PAXIP1: variants seen among roughly 807,000 people sequenced by gnomAD.
The protein encoded by PAXIP1 is PAX interacting protein 1, also known as PAX-interacting protein 1.
In PAXIP1, 19 loss-of-function variants were observed where a neutral mutation model predicts 140.6. The ratio of observed to expected loss-of-function variants is 0.14; its 90% confidence interval spans 0.09 to 0.20. PAXIP1 has a LOEUF of 0.20. PAXIP1 is among the 10% of genes least tolerant of loss of function. The pLI is 1.00. For synonymous variants in PAXIP1, 442 were observed against 444.6 expected (o/e 0.99, Z 0.07); for missense variants, 920 against 1,208.6 (o/e 0.76, Z 3.54).
chr7:154,973,806 G>A lies in PAXIP1; in HGVS notation c.1074+1890C>T, dbSNP rs1242832389. Among the ~76,000 whole-genome samples, 2 of 152,202 alleles carry A rather than the reference G, an allele frequency of 1.3e-5. No homozygotes were observed. The highest frequency in any genetic ancestry group is 4.8e-5 in the African/African-American group (2 of 41,440). On this transcript the variant is annotated intron_variant, in intron 6 of 20. Coordinates refer to ENST00000404141, the MANE Select transcript of PAXIP1 (RefSeq NM_007349.4). The surrounding 1 kb of genome is among the most constrained non-coding windows in gnomAD (Gnocchi z 4.0). The stretch of plus-strand genomic sequence containing the variant: ...TCAAGCCTTTCCACTGAAAGTGGAT[G>A]TGGAGAATACTGGATCCGGCTTCAG...
rs1363712931 is a variant in PAXIP1, at chr7:154,983,392, T to C, written c.325-60A>G. 3.6e-5 allele frequency: 28 copies of C among 784,876 alleles called. No individual in the cohort carries two copies. In the East Asian group the frequency reaches 7.5e-4, roughly 21 times the overall value. 48.6% of individuals were successfully genotyped at this position (784,876 alleles called of 1,614,324 possible). A position where few individuals can be genotyped will look rare whatever the true frequency, so the allele number is the denominator to read the frequency against. On this transcript the variant is annotated intron_variant, in intron 4 of 20. Coordinates refer to ENST00000404141, the MANE Select transcript of PAXIP1 (RefSeq NM_007349.4). ...CATTTCAATCTGTGCATGGCTATAT[T>C]TTCACTTTAGTAATATACTGCAACA...
chr7:154,950,338 T>A (rs1356966063), intron 16 of PAXIP1: 1 of 152,106 alleles, frequency 6.6e-6, no homozygotes, highest in African/African-American at 2.4e-5. Flanking sequence ...TCCTAGAAGA[T>A]AACACAGGAG....
At chr7:154,962,494 T>C in intron 9 of PAXIP1, 36 bp from the exon 10 acceptor site, 1 of 1,586,536 alleles carries the variant, frequency 6.3e-7, no homozygotes, top group Non-Finnish European at 8.6e-7. Context: ...GTTGTTTTTG[T>C]TTTTCTGCTG....
At chr7:154,957,852 A>T (rs1294101710) in intron 13 of PAXIP1, among the ~76,000 whole-genome samples, 5 of 151,400 alleles carry the variant, frequency 3.3e-5, no homozygotes, top group East Asian at 1.9e-4. Flanking sequence ...CTGTAGTCCC[A>T]GCTACTCGGG....
At chr7:154,993,237 A>G (rs1810428720) in intron 3 of PAXIP1, among the ~76,000 whole-genome samples, 1 of 152,196 alleles carries the variant, frequency 6.6e-6, no homozygotes, top group Non-Finnish European at 1.5e-5. Context: ...AAGCTCCCTG[A>G]GGGCAGAAAT....
intron 20 of PAXIP1, 93 bp from the exon 21 acceptor site, chr7:154,944,257 AC>A: frequency 1.8e-6 from 2 of 1,111,824 alleles, no homozygotes; most frequent in Non-Finnish European, 2.6e-6. Context: ...TTTCAGAGAC[AC>A]CCTTGAAGGA....
At chr7:154,964,091 AGGAGGATGTTT>A in intron 8 of PAXIP1, 1 of 244,708 alleles carries the variant, frequency 4.1e-6, no homozygotes, top group South Asian at 5.9e-5. Context: ...TCCTGTACAG[AGGAGGATGTTT>A]GGCAGTGTCC....
chr7:154,978,307 A>G (rs1220229409), intron 5 of PAXIP1, among the ~76,000 whole-genome samples: 1 of 152,194 alleles, frequency 6.6e-6, no homozygotes, highest in East Asian at 1.9e-4. Flanking sequence ...CTGCAGTTAT[A>G]TTTTATGACA....
At chr7:154,965,279 C>T (rs971747058) in intron 8 of PAXIP1, 2 of 152,360 alleles carry the variant, frequency 1.3e-5, no homozygotes, top group African/African-American at 4.8e-5. Flanking sequence ...CTGGAAGGGG[C>T]TCCTGCAGCC....
At chr7:154,982,435 C>T (rs1224446485) in intron 5 of PAXIP1, among the ~76,000 whole-genome samples, 2 of 150,580 alleles carry the variant, frequency 1.3e-5, no homozygotes, top group Non-Finnish European at 3.0e-5. Flanking sequence ...CACTGCAACT[C>T]CACCTCCTGT....
At chr7:154,972,656 T>C (rs555158980) in intron 6 of PAXIP1, among the ~76,000 whole-genome samples, 1 of 152,328 alleles carries the variant, frequency 6.6e-6, no homozygotes, top group East Asian at 1.9e-4. Flanking sequence ...AAAGTAGCCA[T>C]TTCTCGAAGT....
chr7:154,987,253 C>T (rs1457376129), intron 4 of PAXIP1, among the ~76,000 whole-genome samples: 3 of 152,182 alleles, frequency 2.0e-5, no homozygotes, highest in South Asian at 4.1e-4. Context: ...CCTTTTCCTC[C>T]TCTTCCTGGG....
intron 5 of PAXIP1, 109 bp from the exon 6 acceptor site, chr7:154,976,440 G>A: frequency 7.1e-7 from 1 of 1,407,860 alleles, no homozygotes; most frequent in Non-Finnish European, 9.5e-7. Context: ...TTGAAATGTT[G>A]AGCAACTATT....
intron 8 of PAXIP1, 169 bp downstream of exon 8, chr7:154,967,647 G>A (rs1809082326): frequency 3.5e-6 from 2 of 563,418 alleles, no homozygotes; most frequent in African/African-American, 1.9e-5. Context: ...CTGATGCCCA[G>A]AAAAGTGCTG....
rs1233634338 is a variant in PAXIP1, at chr7:154,969,107, G to A, written c.1094C>T (p.Ala365Val). The A allele has an allele frequency of 1.2e-5, 18 of 1,477,010 alleles. No homozygotes were observed. In the East Asian group the frequency reaches 2.2e-4, roughly 18 times the overall value. The allele number at this position is 1,477,010 out of a possible 1,614,324, so 91.5% of individuals were successfully genotyped here. The stretch of plus-strand genomic sequence containing the variant: ...CTGCTGTTCTAAATTTTTCGTAGGT[G>A]CTGAAAGAGTCTGTAAGATCTACAA... ...NVAHILQTLS[A>V]PTKNLEQQVN... Residue 365 changes from alanine to valine, a missense_variant, in exon 7 of 21, where the codon GCA becomes GTA. Transcript: ENST00000404141.
At chr7:154,993,020 GTACT>G (rs1383068297) in intron 3 of PAXIP1, among the ~76,000 whole-genome samples, 1 of 152,166 alleles carries the variant, frequency 6.6e-6, no homozygotes, top group African/African-American at 2.4e-5. Context: ...ATGGTATCAG[GTACT>G]TGCAAAAGAA....
rs749431798 is a variant in PAXIP1 at position 154,986,173 on chromosome 7, C to G, written c.325-2841G>C. 6 of 1,360,902 alleles carry G rather than the reference C, an allele frequency of 4.4e-6. No homozygotes were observed. Among genetic ancestry groups the G allele is most frequent in the Non-Finnish European group, 5.9e-6 (6 of 1,019,744 alleles). The allele number at this position is 1,360,902 out of a possible 1,614,324, so 84.3% of individuals were successfully genotyped here. A position where few individuals can be genotyped will look rare whatever the true frequency, so the allele number is the denominator to read the frequency against. The stretch of plus-strand genomic sequence containing the variant: ...TCCAACAAAGAGCTCCAGCTTGTAT[C>G]AACACCCTGACGGGGAAAAGACAGA... On this transcript the variant is annotated intron_variant, in intron 4 of 20. Coordinates refer to ENST00000404141, the MANE Select transcript of PAXIP1 (RefSeq NM_007349.4). This position sits in a 1 kb window ranked among gnomAD's most constrained non-coding sequence, Gnocchi z 4.8.
chr7:154,959,828 A>T, intron 13 of PAXIP1, 62 bp downstream of exon 13: 1 of 1,000,350 alleles, frequency 1.0e-6, no homozygotes, highest in Non-Finnish European at 1.6e-6. Flanking sequence ...GAAGACAAAT[A>T]CATCCCTACT....
In PAXIP1 at chr7:154,975,996, T is replaced by C. The variant is rs1809555970; in HGVS notation, c.774A>G (p.Glu258=). 1.2e-6 allele frequency: 2 copies of C among 1,613,654 alleles called. No homozygotes were observed. Among genetic ancestry groups the C allele is most frequent in the East Asian group, 2.2e-5 (1 of 44,886 alleles). Residue 258 remains glutamate (E), a synonymous_variant, in exon 6 of 21, where the codon GAA becomes GAG. Transcript: ENST00000404141. ...TCCAGTTTAAATTTCTCTCCTGTTT[T>C]TCCGGTGATGAATCTGAAGAATCAT... ...MFDDSSDSSP[E]KQERNLNWTP...
Sources: allele counts gnomAD v4.1 joint callset (sites outside exome capture counted in the v4.1 genomes callset), GRCh38; gene constraint gnomAD v4.1.1; non-coding constraint Gnocchi (gnomAD v3.1); transcripts MANE v1.5; gene names NCBI Gene and HGNC (gene_info 2026-07-23, HGNC 2026-07-21).